Variants in DUSP16 observed in about 807,000 individuals in gnomAD.
DUSP16 encodes the protein dual specificity protein phosphatase 16.
DUSP16 carries 21 observed loss-of-function variants against 58.3 expected under a neutral mutation model. The ratio of observed to expected loss-of-function variants is 0.36; its 90% confidence interval spans 0.26 to 0.52. DUSP16 has a LOEUF of 0.52. Among genes scored for constraint, DUSP16 ranks in the 20% least tolerant of loss-of-function variants. The pLI, the probability that DUSP16 is intolerant of heterozygous loss-of-function variation, is 0.94. For missense variants in DUSP16, 726 were observed against 819.0 expected, an observed-to-expected ratio of 0.89 and a Z score of 1.39; for synonymous variants, 320 against 323.8, an observed-to-expected ratio of 0.99 and a Z score of 0.12.
chr12:12,497,957 A>C (rs1943853176), intron 4 of DUSP16, among the ~76,000 whole-genome samples: 3 of 150,736 alleles, frequency 2.0e-5, no homozygotes, highest in African/African-American at 7.3e-5. Context: ...TGACAGGGCA[A>C]GACTCCATCT....
intron 1 of DUSP16, among the ~76,000 whole-genome samples, chr12:12,523,315 G>T (rs16908209): frequency 0.065 from 9,822 of 152,200 alleles, 468 homozygotes; most frequent in East Asian, 0.21. Flanking sequence ...ATAGACAGGA[G>T]GAAAAATACC....
At chr12:12,557,988 A>C (rs1944834655) in intron 1 of DUSP16, among the ~76,000 whole-genome samples, 1 of 152,226 alleles carries the variant, frequency 6.6e-6, no homozygotes, top group South Asian at 2.1e-4. Context: ...TATCTCTATG[A>C]AGATTACCTC....
At chr12:12,556,401 T>C (rs1182869552) in intron 1 of DUSP16, among the ~76,000 whole-genome samples, 2 of 151,722 alleles carry the variant, frequency 1.3e-5, no homozygotes, top group African/African-American at 4.8e-5. Context: ...TCTATAAAAA[T>C]AATAAAAATA....
Position 12,477,734 on chromosome 12 carries a change from ACGC to A in DUSP16, c.1094_1096del (p.Ser365_Val366delinsMet), listed in dbSNP as rs750138441. 59 of 1,419,756 alleles carry A rather than the reference ACGC, an allele frequency of 4.2e-5. No homozygotes were observed. The highest frequency in any genetic ancestry group is 1.5e-4 in the East Asian group (3 of 19,992). 87.9% of individuals were successfully genotyped at this position (1,419,756 alleles called of 1,614,324 possible). On this transcript the variant is annotated inframe_deletion, in exon 7 of 7. Transcript: ENST00000298573. The surrounding 1 kb of genome is among the most constrained non-coding windows in gnomAD (Gnocchi z 4.1). ...GCTGTCCTCTAACAGCGACGGCTGC[ACGC>A]TGGGCACGCTGGGCACGCTGGCGGG...
intron 1 of DUSP16, among the ~76,000 whole-genome samples, chr12:12,535,598 G>A (rs1944452447): frequency 6.6e-6 from 1 of 152,130 alleles, no homozygotes; most frequent in South Asian, 2.1e-4. Context: ...TGTCAGTGTT[G>A]AAGTTAAATT....
At chr12:12,542,894 G>C (rs1944586572) in intron 1 of DUSP16, among the ~76,000 whole-genome samples, 1 of 152,058 alleles carries the variant, frequency 6.6e-6, no homozygotes, top group Non-Finnish European at 1.5e-5. Flanking sequence ...ATTAGGTCAT[G>C]AGGTGGAGCC....
chr12:12,542,916 G>T (rs1944587144), intron 1 of DUSP16, among the ~76,000 whole-genome samples: 2 of 152,024 alleles, frequency 1.3e-5, no homozygotes, highest in South Asian at 4.2e-4. Flanking sequence ...TCATGAATGG[G>T]ATTCATGCTA....
chr12:12,560,308 G>A lies in DUSP16; in HGVS notation c.-366+1809C>T, dbSNP rs112565601. ...TGTACATTTATAGTACTTGAACCGA[G>A]TTATTTTCAAAACACTATTCACACT... is the stretch of plus-strand genomic sequence containing the variant. On this transcript the variant is annotated intron_variant, in intron 1 of 6. Transcript: ENST00000298573. Among the ~76,000 whole-genome samples, 295 of 152,130 alleles carry A rather than the reference G, an allele frequency of 1.9e-3. 3 individuals carry two copies. The highest frequency in any genetic ancestry group is 6.8e-3 in the African/African-American group (283 of 41,510).
At chr12:12,484,502 A>G (rs1943639632) in intron 5 of DUSP16, among the ~76,000 whole-genome samples, 2 of 152,208 alleles carry the variant, frequency 1.3e-5, no homozygotes, top group African/African-American at 4.8e-5. Context: ...ACACATTGTC[A>G]TGACTTAAGA....
At chr12:12,505,727 AAGAC>A (rs1299015249) in intron 3 of DUSP16, among the ~76,000 whole-genome samples, 1 of 152,212 alleles carries the variant, frequency 6.6e-6, no homozygotes, top group Non-Finnish European at 1.5e-5. Flanking sequence ...AGAAAGTTCT[AAGAC>A]AGAGAACAGA....
intron 1 of DUSP16, among the ~76,000 whole-genome samples, chr12:12,538,556 ATT>A (rs528423968): frequency 3.2e-4 from 48 of 152,314 alleles, no homozygotes; most frequent in African/African-American, 1.1e-3. Context: ...CATTCTGCAA[ATT>A]TTAATAGGCT....
At chr12:12,483,149 G>A (rs544749098) in intron 5 of DUSP16, among the ~76,000 whole-genome samples, 7 of 152,262 alleles carry the variant, frequency 4.6e-5, no homozygotes, top group African/African-American at 1.7e-4. Context: ...TTAAGAAAGG[G>A]GAGAGAGAAC....
intron 1 of DUSP16, among the ~76,000 whole-genome samples, chr12:12,523,975 T>C (rs1944269431): frequency 6.6e-6 from 1 of 152,206 alleles, no homozygotes; most frequent in Non-Finnish European, 1.5e-5. Flanking sequence ...TGAGTCTGAT[T>C]GGCTCCTCTC....
At chr12:12,547,531 TAAAAAA>T (rs761142479) in intron 1 of DUSP16, among the ~76,000 whole-genome samples, 59 of 66,654 alleles carry the variant, frequency 8.9e-4, no homozygotes, top group African/African-American at 2.9e-3. Context: ...TGAGTAGGCT[TAAAAAA>T]AAAAAAAAAA....
At chr12:12,557,892 G>A (rs1301463770) in intron 1 of DUSP16, among the ~76,000 whole-genome samples, 1 of 152,172 alleles carries the variant, frequency 6.6e-6, no homozygotes, top group African/African-American at 2.4e-5. Context: ...AATGAGATGG[G>A]TGAATACCTT....
At chr12:12,531,314 C>A (rs1455388127) in intron 1 of DUSP16, among the ~76,000 whole-genome samples, 1 of 152,162 alleles carries the variant, frequency 6.6e-6, no homozygotes, top group African/African-American at 2.4e-5. Context: ...ATAATTTAAT[C>A]TATTTTAAAT....
intron 3 of DUSP16, among the ~76,000 whole-genome samples, chr12:12,517,678 G>C (rs1358493387): frequency 6.6e-6 from 1 of 152,148 alleles, no homozygotes; most frequent in African/African-American, 2.4e-5. Context: ...GGTGTCACAA[G>C]AAATCCAGCT....
In DUSP16 at chr12:12,475,601, C is replaced by G. The variant is rs901558357; in HGVS notation, c.*1232G>C. The G allele has an allele frequency of 6.6e-6, 1 of 152,188 alleles. No homozygotes were observed. The allele number at this position is 152,188 out of a possible 1,614,324, so 9.4% of individuals were successfully genotyped here. ...TTCCTCACTAAAGCCTCTCTCAGCCCTACTAGTAAATGTGAAAGTCTGAGG... is the reference window on the plus strand; with the variant it reads ...TTCCTCACTAAAGCCTCTCTCAGCCGTACTAGTAAATGTGAAAGTCTGAGG... On this transcript the variant is annotated 3_prime_UTR_variant, in exon 7 of 7. Coordinates refer to ENST00000298573, the MANE Select transcript of DUSP16 (RefSeq NM_030640.3).
chr12:12,478,432 G>A (rs981432329), intron 6 of DUSP16, among the ~76,000 whole-genome samples: 4 of 151,890 alleles, frequency 2.6e-5, no homozygotes, highest in South Asian at 4.2e-4. Context: ...TCCTGGGCAC[G>A]TGCAGTCCTC....
Sources: allele counts gnomAD v4.1 joint callset (sites outside exome capture counted in the v4.1 genomes callset), GRCh38; gene constraint gnomAD v4.1.1; non-coding constraint Gnocchi (gnomAD v3.1); transcripts MANE v1.5; gene names NCBI Gene and HGNC (gene_info 2026-07-23, HGNC 2026-07-21).